The following ADAM22 variants were observed in gnomAD, a reference collection of about 807,000 sequenced individuals.
The protein encoded by ADAM22 is ADAM metallopeptidase domain 22.
Under a neutral mutation model 144.6 loss-of-function variants are expected in ADAM22, and 65 were observed. That is an observed-to-expected ratio of 0.45 (90% CI 0.37 to 0.55). ADAM22 has a LOEUF of 0.55. Among genes scored for constraint, ADAM22 ranks in the 20% least tolerant of loss-of-function variants. ADAM22 has a pLI of 0.00. For synonymous variants in ADAM22, 391 were observed against 412.6 expected, an observed-to-expected ratio of 0.95 and a Z score of 0.63; for missense variants, 974 against 1,184.9, an observed-to-expected ratio of 0.82 and a Z score of 2.61.
chr7:87,953,055 G>T (rs866102775), intron 2 of ADAM22, among the ~76,000 whole-genome samples: 1 of 150,840 alleles, frequency 6.6e-6, no homozygotes, highest in South Asian at 2.1e-4. Flanking sequence ...CTTGCTAGTG[G>T]TCTATCAATT....
Position 87,978,374 on chromosome 7 carries a change from C to A in ADAM22, c.285C>A (p.Ala95=). Residue 95 remains alanine (A), a synonymous_variant, in exon 3 of 32, where the codon GCC becomes GCA. Coordinates refer to ENST00000413139, the MANE Select transcript of ADAM22 (RefSeq NM_001324418.2). ...HVDQASFQVD[A]FGTSFILDVV... ...ACCAAGCAAGCTTCCAGGTTGATGC[C>A]TTTGGAACGTCATTCATTCTCGATG... 1 of 1,613,444 alleles carries A rather than the reference C, an allele frequency of 6.2e-7. No individual in the cohort carries two copies. The highest frequency in any genetic ancestry group is 8.5e-7 in the Non-Finnish European group (1 of 1,179,734).
At chr7:88,120,950 A>G (rs1212925106) in intron 7 of ADAM22, among the ~76,000 whole-genome samples, 1 of 152,030 alleles carries the variant, frequency 6.6e-6, no homozygotes, top group African/African-American at 2.4e-5. Context: ...GGTGAAAAGT[A>G]GGGGTTAAGT....
At chr7:88,157,622 G>A (rs550537919) in intron 22 of ADAM22, among the ~76,000 whole-genome samples, 12 of 134,652 alleles carry the variant, frequency 8.9e-5, no homozygotes, top group African/African-American at 2.5e-4. Flanking sequence ...AAGAGAGACC[G>A]GGCAATCCCC....
rs1350378187 is a variant in ADAM22 at position 88,168,121 on chromosome 7, T to A, written c.2192-16T>A. Reference sequence around the variant, plus strand: ...TTATACCACTGATCTTCCTTCTTTCTTTTTTTTCCTCTCAGGTGTTGCTGG... The same window carrying A: ...TTATACCACTGATCTTCCTTCTTTCATTTTTTTCCTCTCAGGTGTTGCTGG... On this transcript the variant is annotated splice_polypyrimidine_tract_variant and intron_variant, in intron 24 of 31. Transcript: ENST00000413139. 2 of 1,594,954 alleles carry A rather than the reference T, an allele frequency of 1.3e-6. No individual in the cohort carries two copies. Among genetic ancestry groups the A allele is most frequent in the Admixed American group, 3.4e-5 (2 of 59,152 alleles).
At chr7:88,162,128 A>ACACACAC (rs1841848208) in intron 22 of ADAM22, among the ~76,000 whole-genome samples, 1 of 151,556 alleles carries the variant, frequency 6.6e-6, no homozygotes, top group Admixed American at 6.6e-5. Flanking sequence ...ACACACACAC[A>ACACACAC]CACACCATGG....
In ADAM22 at chr7:88,139,105, T is replaced by C. The variant is rs111983260; in HGVS notation, c.1220+3074T>C. Among the ~76,000 whole-genome samples, 39 of 152,188 alleles carry C rather than the reference T, an allele frequency of 2.6e-4. 1 individual carries two copies. The highest frequency in any genetic ancestry group is 9.4e-4 in the African/African-American group (39 of 41,546). ...TTTGGCAGTATGGATCCAACTCAGG[T>C]TTTGACCAGTAGGATAAAGAGGGAC... On this transcript the variant is annotated intron_variant, in intron 14 of 31. Transcript: ENST00000413139.
At chr7:87,946,113 GC>G (rs1285922874) in intron 2 of ADAM22, among the ~76,000 whole-genome samples, 4 of 151,908 alleles carry the variant, frequency 2.6e-5, no homozygotes, top group Admixed American at 2.6e-4. Context: ...GTTTTGATTT[GC>G]ATTTCTCTGA....
chr7:87,968,404 G>A (rs1849645159), intron 2 of ADAM22, among the ~76,000 whole-genome samples: 1 of 152,160 alleles, frequency 6.6e-6, no homozygotes, highest in Non-Finnish European at 1.5e-5. Context: ...TGGGTGTGGT[G>A]GCTCATGCTT....
intron 3 of ADAM22, among the ~76,000 whole-genome samples, chr7:88,030,780 G>A (rs560199835): frequency 1.1e-4 from 17 of 152,144 alleles, no homozygotes; most frequent in Non-Finnish European, 1.8e-4. Context: ...GGCCTCCCCC[G>A]AAGCAGAAGC....
intron 3 of ADAM22, among the ~76,000 whole-genome samples, chr7:88,054,642 CA>C (rs1016962885): frequency 3.6e-5 from 4 of 112,180 alleles, no homozygotes; most frequent in Non-Finnish European, 8.1e-5. Flanking sequence ...GATTCCTCTG[CA>C]CACATGGTCG....
At chr7:88,000,832 T>C (rs1792374525) in intron 3 of ADAM22, among the ~76,000 whole-genome samples, 1 of 152,220 alleles carries the variant, frequency 6.6e-6, no homozygotes. Flanking sequence ...AATACAATTT[T>C]ATTAACTTAT....
chr7:88,024,682 C>T (rs113813928), intron 3 of ADAM22, among the ~76,000 whole-genome samples: 225 of 150,490 alleles, frequency 1.5e-3, no homozygotes, highest in African/African-American at 5.2e-3. Context: ...GGTAAATCTC[C>T]TAATGCTATC....
At chr7:87,981,940 A>T (rs1028504142) in intron 3 of ADAM22, among the ~76,000 whole-genome samples, 2 of 151,980 alleles carry the variant, frequency 1.3e-5, no homozygotes, top group African/African-American at 4.8e-5. Context: ...CTGTTCAACT[A>T]AATTCATTAT....
intron 3 of ADAM22, among the ~76,000 whole-genome samples, chr7:88,051,510 A>T (rs57861028): frequency 0.037 from 5,359 of 145,250 alleles, 306 homozygotes; most frequent in African/African-American, 0.13. Context: ...ATGAGAACAT[A>T]TGGACACAGG....
At chr7:88,029,182 A>G (rs1216134201) in intron 3 of ADAM22, among the ~76,000 whole-genome samples, 3 of 151,252 alleles carry the variant, frequency 2.0e-5, no homozygotes, top group Non-Finnish European at 4.4e-5. Context: ...TCTTCTTTTT[A>G]ATCACTGTGA....
chr7:88,055,463 C>T (rs1807963290), intron 3 of ADAM22, among the ~76,000 whole-genome samples: 1 of 151,962 alleles, frequency 6.6e-6, no homozygotes, highest in Non-Finnish European at 1.5e-5. Context: ...TCTTAGTGCT[C>T]CCATCCCCGT....
chr7:87,935,297 T>C, intron 2 of ADAM22, 111 bp downstream of exon 2: 1 of 1,240,498 alleles, frequency 8.1e-7, no homozygotes, highest in Non-Finnish European at 1.1e-6. Context: ...TGAAATGAGT[T>C]GGGTCCCGAT....
intron 12 of ADAM22, 37 bp downstream of exon 12, chr7:88,132,988 A>G (rs759762368): frequency 6.4e-7 from 1 of 1,568,820 alleles, no homozygotes; most frequent in Non-Finnish European, 8.8e-7. Flanking sequence ...AAGTGGTATG[A>G]TGGCTGAAAA....
chr7:88,133,227 G>C (rs562397716), intron 12 of ADAM22, among the ~76,000 whole-genome samples: 4 of 151,936 alleles, frequency 2.6e-5, no homozygotes, highest in Non-Finnish European at 5.9e-5. Context: ...GTTGGGTGTG[G>C]TAGCGTGTGC....
Sources: allele counts gnomAD v4.1 joint callset (sites outside exome capture counted in the v4.1 genomes callset), GRCh38; gene constraint gnomAD v4.1.1; transcripts MANE v1.5; gene names NCBI Gene and HGNC (gene_info 2026-07-23, HGNC 2026-07-21).